Variants in XKR6 observed in about 807,000 individuals in gnomAD.
The protein encoded by XKR6 is XK-related protein 6.
A neutral mutation model predicts 56.7 loss-of-function variants in XKR6; 22 were observed. That is an observed-to-expected ratio of 0.39 (90% CI 0.28 to 0.55). The LOEUF is 0.55. Ranked by LOEUF, XKR6 falls within the 20% of genes least tolerant of loss-of-function variation. The pLI is 0.66. For synonymous variants in XKR6, 524 were observed against 387.8 expected, an observed-to-expected ratio of 1.35 and a Z score of -4.13; for missense variants, 852 against 889.0, an observed-to-expected ratio of 0.96 and a Z score of 0.53.
At chr8:11,178,369 C>A (rs1802768074) in intron 1 of XKR6, among the ~76,000 whole-genome samples, 1 of 151,678 alleles carries the variant, frequency 6.6e-6, no homozygotes, top group African/African-American at 2.4e-5. Flanking sequence ...TCTCATGAGT[C>A]TTATGTGGCT....
intron 1 of XKR6, among the ~76,000 whole-genome samples, chr8:10,947,213 AAG>A: frequency 6.6e-6 from 1 of 152,282 alleles, no homozygotes; most frequent in East Asian, 1.9e-4. Flanking sequence ...GGCAGAGGAA[AAG>A]AGAGAAAATG....
At chr8:10,957,796 G>A (rs1801939581) in intron 1 of XKR6, among the ~76,000 whole-genome samples, 1 of 152,070 alleles carries the variant, frequency 6.6e-6, no homozygotes, top group African/African-American at 2.4e-5. Context: ...ACTGGGGAGT[G>A]GGGAAATCCA....
At chr8:11,054,059 G>A (rs532394511) in intron 1 of XKR6, among the ~76,000 whole-genome samples, 33 of 152,130 alleles carry the variant, frequency 2.2e-4, no homozygotes, top group African/African-American at 6.8e-4. Flanking sequence ...TGTTTTGTGC[G>A]AAATAAAATA....
At chr8:11,194,760 T>C (rs1184677264) in intron 1 of XKR6, 1 of 230,936 alleles carries the variant, frequency 4.3e-6, no homozygotes, top group Non-Finnish European at 8.5e-6. Context: ...TGAATAAGTC[T>C]ATAGTATCAA....
At chr8:10,921,800 G>A (rs1800729463) in intron 2 of XKR6, among the ~76,000 whole-genome samples, 1 of 152,222 alleles carries the variant, frequency 6.6e-6, no homozygotes, top group Non-Finnish European at 1.5e-5. Context: ...TGGTGGTACA[G>A]AGTGGGGAAG....
chr8:10,958,043 T>G (rs1414406138), intron 1 of XKR6, among the ~76,000 whole-genome samples: 2 of 152,178 alleles, frequency 1.3e-5, no homozygotes, highest in African/African-American at 4.8e-5. Context: ...TTGGCCTACT[T>G]TAGTGTTGTG....
At chr8:10,997,859 C>A (rs566352303) in intron 1 of XKR6, among the ~76,000 whole-genome samples, 292 of 152,264 alleles carry the variant, frequency 1.9e-3, no homozygotes, top group African/African-American at 6.8e-3. Context: ...TCAGGCACAA[C>A]CGGGGTCAGA....
intron 1 of XKR6, among the ~76,000 whole-genome samples, chr8:10,925,978 TC>T (rs1360894726): frequency 6.6e-6 from 1 of 151,936 alleles, no homozygotes; most frequent in Non-Finnish European, 1.5e-5. Context: ...CCAGTCAGGA[TC>T]AAAAACAGGA....
intron 1 of XKR6, among the ~76,000 whole-genome samples, chr8:10,954,828 T>A (rs1801827590): frequency 6.6e-6 from 1 of 150,574 alleles, no homozygotes; most frequent in Admixed American, 6.6e-5. Context: ...GACTTGTTTT[T>A]TTTTGTATGA....
chr8:11,076,784 A>G (rs112738536), intron 1 of XKR6, among the ~76,000 whole-genome samples: 22 of 152,320 alleles, frequency 1.4e-4, no homozygotes, highest in African/African-American at 4.8e-4. Context: ...CTGGGCCCGC[A>G]GAGGACAGGC....
Position 10,897,945 on chromosome 8 carries a change from G to A in XKR6, c.*7C>T. 6.5e-7 allele frequency: 1 copy of A among 1,544,430 alleles called. No homozygotes were observed. Among genetic ancestry groups the A allele is most frequent in the Non-Finnish European group, 8.7e-7 (1 of 1,146,106 alleles). On this transcript the variant is annotated 3_prime_UTR_variant, in exon 3 of 3. Transcript: ENST00000416569. ...AAGGTCCCCTTCTCAACTTGGTCAAGATGCTCTTAGAGTGAAGACTCATAC... is the reference window on the plus strand; with the variant it reads ...AAGGTCCCCTTCTCAACTTGGTCAAAATGCTCTTAGAGTGAAGACTCATAC...
At chr8:11,168,204 C>A (rs980674515) in intron 1 of XKR6, among the ~76,000 whole-genome samples, 1 of 152,178 alleles carries the variant, frequency 6.6e-6, no homozygotes, top group South Asian at 2.1e-4. Flanking sequence ...AATTAACTGA[C>A]AGAACATGTC....
chr8:10,897,966 C>T lies in XKR6; in HGVS notation c.1912G>A (p.Glu638Lys). 1 of 1,586,128 alleles carries T rather than the reference C, an allele frequency of 6.3e-7. No homozygotes were observed. The highest frequency in any genetic ancestry group is 8.6e-7 in the Non-Finnish European group (1 of 1,167,204). ...TCAAGATGCTCTTAGAGTGAAGACT[C>T]ATACTGTAGCAACTCATAGAGGAGT... ...GPLLYELLQY[E>K]SSL The change falls in exon 3 of 3, where the codon GAG (glutamate) becomes AAG (lysine). Residue 638 changes from glutamate to lysine, a missense_variant. Around this residue, in one of 4 missense-constraint regions of XKR6, gnomAD observed 39 missense variants for 62.5 expected, o/e 0.62. Transcript: ENST00000416569.
chr8:11,131,242 A>G (rs1477972180), intron 1 of XKR6, among the ~76,000 whole-genome samples: 2 of 152,182 alleles, frequency 1.3e-5, no homozygotes. Flanking sequence ...TATTTGTTAC[A>G]CAGATGATTC....
At chr8:11,033,534 AATG>A (rs1010708686) in intron 1 of XKR6, among the ~76,000 whole-genome samples, 1 of 151,986 alleles carries the variant, frequency 6.6e-6, no homozygotes, top group Non-Finnish European at 1.5e-5. Flanking sequence ...AGAAAAACAA[AATG>A]AAGAAGATCA....
Position 11,121,322 on chromosome 8 carries a change from A to C in XKR6, c.764+79254T>G, listed in dbSNP as rs541476484. 2.3e-3 allele frequency among the ~76,000 whole-genome samples: 351 copies of C among 152,310 alleles called. 1 individual carries two copies. The highest frequency in any genetic ancestry group is 8.2e-3 in the African/African-American group (339 of 41,556). ...CGGCTAATATCCAGAATCTACAACG[A>C]ACTCAAACAAATTTACAAGAAAAAA... On this transcript the variant is annotated intron_variant, in intron 1 of 2. Coordinates refer to ENST00000416569, the MANE Select transcript of XKR6 (RefSeq NM_173683.4).
intron 2 of XKR6, among the ~76,000 whole-genome samples, chr8:10,908,893 G>C (rs866856488): frequency 6.6e-6 from 1 of 152,178 alleles, no homozygotes; most frequent in Non-Finnish European, 1.5e-5. Flanking sequence ...GACTGGGCAC[G>C]GTGGCTCACG....
intron 1 of XKR6, among the ~76,000 whole-genome samples, chr8:10,966,986 C>A (rs1229643850): frequency 2.0e-5 from 3 of 152,164 alleles, no homozygotes; most frequent in Non-Finnish European, 4.4e-5. Context: ...TAGAGCCTCA[C>A]TACTCAAAGT....
intron 1 of XKR6, among the ~76,000 whole-genome samples, chr8:10,929,660 T>G (rs991634094): frequency 2.6e-5 from 4 of 152,218 alleles, no homozygotes; most frequent in African/African-American, 9.6e-5. Context: ...AGTTTCCTCA[T>G]GTATAAAATG....
Sources: gnomAD v4.1 joint callset for allele counts (sites outside exome capture counted in the v4.1 genomes callset) on GRCh38, gnomAD v4.1.1 for gene constraint, gnomAD v4.1.1 regional missense constraint, MANE v1.5 for transcripts, NCBI Gene and HGNC (gene_info 2026-07-23, HGNC 2026-07-21) for gene names.